Variants in GNAQ observed in about 807,000 individuals in gnomAD.
GNAQ encodes guanine nucleotide-binding protein G(q) subunit alpha.
Under a neutral mutation model 43.9 loss-of-function variants are expected in GNAQ, and 8 were observed. The observed-to-expected ratio is 0.18, with a 90% confidence interval of 0.11 to 0.33. GNAQ has a LOEUF of 0.33. Ranked by LOEUF, GNAQ falls within the 10% of genes least tolerant of loss-of-function variation. The pLI, the probability that GNAQ is intolerant of heterozygous loss-of-function variation, is 1.00. For synonymous variants in GNAQ, 155 were observed against 170.7 expected (o/e 0.91, Z 0.71); for missense variants, 158 against 450.8 (o/e 0.35, Z 5.88).
chr9:77,862,377 C>T (rs940363591), intron 2 of GNAQ, among the ~76,000 whole-genome samples: 10 of 152,298 alleles, frequency 6.6e-5, no homozygotes, highest in African/African-American at 1.9e-4. Flanking sequence ...TCCATACATC[C>T]TCTGAAATCT....
In GNAQ at chr9:77,739,019, A is replaced by G. The variant is rs146268203; in HGVS notation, c.736-10352T>C. 1.5e-3 allele frequency among the ~76,000 whole-genome samples: 231 copies of G among 152,310 alleles called. 2 individuals are homozygous for G. The highest frequency in any genetic ancestry group is 4.2e-3 in the African/African-American group (176 of 41,562). On this transcript the variant is annotated intron_variant, in intron 5 of 6. Coordinates refer to ENST00000286548, the MANE Select transcript of GNAQ (RefSeq NM_002072.5). Reference sequence around the variant, plus strand: ...GGAATTTTCATGGTTGAAATTTTCTATGTAACAGCCTATGAAAGCATATTG... The same window carrying G: ...GGAATTTTCATGGTTGAAATTTTCTGTGTAACAGCCTATGAAAGCATATTG...
chr9:78,003,407 T>C (rs1273333525), intron 1 of GNAQ, among the ~76,000 whole-genome samples: 1 of 152,208 alleles, frequency 6.6e-6, no homozygotes, highest in African/African-American at 2.4e-5. Flanking sequence ...TCTTCTCTCT[T>C]GTACCTGTTA....
intron 2 of GNAQ, among the ~76,000 whole-genome samples, chr9:77,854,208 GC>G (rs1827716829): frequency 1.3e-5 from 2 of 152,086 alleles, no homozygotes; most frequent in South Asian, 4.1e-4. Context: ...AGCATTTTTA[GC>G]CCAGAGATGA....
chr9:77,763,482 T>C (rs1378296885), intron 5 of GNAQ, among the ~76,000 whole-genome samples: 1 of 152,178 alleles, frequency 6.6e-6, no homozygotes, highest in Admixed American at 6.5e-5. Flanking sequence ...TAATACTGTA[T>C]GTGTGAAGCC....
chr9:77,767,072 GC>G lies in GNAQ; in HGVS notation c.735+27390del, dbSNP rs1228931761. ...GTCAGGGAACGTTTAGTGTGTACTG[GC>G]ACTTTAAAAGGGTCTGTCATAAACC... On this transcript the variant is annotated intron_variant, in intron 5 of 6. Transcript: ENST00000286548. Among the ~76,000 whole-genome samples the G allele has an allele frequency of 2.0e-5, 3 of 152,182 alleles. No individual in the cohort carries two copies. The East Asian group carries it at 5.8e-4, about 29-fold the overall frequency.
At chr9:77,909,746 ATCT>A (rs1828769423) in intron 2 of GNAQ, among the ~76,000 whole-genome samples, 1 of 152,156 alleles carries the variant, frequency 6.6e-6, no homozygotes, top group Admixed American at 6.6e-5. Context: ...ACTTAAAGGT[ATCT>A]TCTTAACAAA....
intron 1 of GNAQ, among the ~76,000 whole-genome samples, chr9:77,927,399 C>G (rs1442529186): frequency 6.6e-6 from 1 of 152,144 alleles, no homozygotes; most frequent in Non-Finnish European, 1.5e-5. Flanking sequence ...ATCAAAAGAG[C>G]TGCCAAGGCC....
intron 1 of GNAQ, among the ~76,000 whole-genome samples, chr9:77,954,728 G>A (rs1160539873): frequency 6.6e-6 from 1 of 152,188 alleles, no homozygotes; most frequent in Admixed American, 6.5e-5. Context: ...CTAAGGCACA[G>A]GGCTATTAAG....
rs1219350599 is a variant in GNAQ at position 77,717,423 on chromosome 9, C to G, written c.*3900G>C. 4.3e-6 allele frequency: 1 copy of G among 232,246 alleles called. No homozygotes were observed. The allele number at this position is 232,246 out of a possible 1,614,324, so 14.4% of individuals were successfully genotyped here. A position where few individuals can be genotyped will look rare whatever the true frequency, so the allele number is the denominator to read the frequency against. On this transcript the variant is annotated 3_prime_UTR_variant, in exon 7 of 7. Transcript: ENST00000286548. The stretch of plus-strand genomic sequence containing the variant: ...TGAGAAACTGAAAACAAAGGGAAAT[C>G]AAGGGTAATCGGTAGGTGATTTGAG...
intron 1 of GNAQ, among the ~76,000 whole-genome samples, chr9:77,946,939 A>G (rs1822911077): frequency 6.6e-6 from 1 of 152,252 alleles, no homozygotes; most frequent in South Asian, 2.1e-4. Context: ...CTGCCACAAA[A>G]TAAATTCTGT....
chr9:77,958,409 C>T (rs1347354992), intron 1 of GNAQ, among the ~76,000 whole-genome samples: 1 of 152,034 alleles, frequency 6.6e-6, no homozygotes, highest in Non-Finnish European at 1.5e-5. Context: ...CTACAGCTGC[C>T]AGCCATGAAA....
chr9:77,903,388 C>G (rs1587398394), intron 2 of GNAQ, among the ~76,000 whole-genome samples: 1 of 152,194 alleles, frequency 6.6e-6, no homozygotes, highest in African/African-American at 2.4e-5. Flanking sequence ...TTTCACCTCA[C>G]AAAGCCTCAG....
At chr9:77,800,093 TA>T (rs1174930283) in intron 3 of GNAQ, among the ~76,000 whole-genome samples, 1 of 152,124 alleles carries the variant, frequency 6.6e-6, no homozygotes, top group Non-Finnish European at 1.5e-5. Context: ...ACATCATAAA[TA>T]AAAAATAGGA....
chr9:77,954,425 T>C (rs1166928621), intron 1 of GNAQ, among the ~76,000 whole-genome samples: 1 of 152,226 alleles, frequency 6.6e-6, no homozygotes, highest in African/African-American at 2.4e-5. Context: ...AGAGAAGAAC[T>C]GAGAGCACTA....
chr9:77,810,537 A>C (rs150509698), intron 3 of GNAQ, among the ~76,000 whole-genome samples: 109 of 152,342 alleles, frequency 7.2e-4, no homozygotes, highest in Middle Eastern at 3.4e-3. Flanking sequence ...TATTCAGTAA[A>C]TAGCAGCTAT....
In GNAQ at chr9:77,718,931, C is replaced by T. The variant is rs1264110390; in HGVS notation, c.*2392G>A. 4.3e-6 allele frequency: 1 copy of T among 231,826 alleles called. No homozygotes were observed. Among genetic ancestry groups the T allele is most frequent in the Admixed American group, 5.6e-5 (1 of 17,704 alleles). 14.4% of individuals were successfully genotyped at this position (231,826 alleles called of 1,614,324 possible). ...ATGAATTGTATAAAAGCTCATATTC[C>T]AATCCTAGATCAAATGGCAAAAGTT... On this transcript the variant is annotated 3_prime_UTR_variant, in exon 7 of 7. Transcript: ENST00000286548.
chr9:77,973,629 C>T (rs970237064), intron 1 of GNAQ, among the ~76,000 whole-genome samples: 1 of 152,112 alleles, frequency 6.6e-6, no homozygotes, highest in African/African-American at 2.4e-5. Flanking sequence ...CCTGCCTGGC[C>T]AACATGATGA....
chr9:77,840,236 A>G (rs1458319805), intron 2 of GNAQ, among the ~76,000 whole-genome samples: 1 of 152,170 alleles, frequency 6.6e-6, no homozygotes, highest in Non-Finnish European at 1.5e-5. Flanking sequence ...TAAATAGAAC[A>G]TTACCTCCTT....
chr9:77,872,961 A>G lies in GNAQ; in HGVS notation c.321+49200T>C, dbSNP rs545984309. On this transcript the variant is annotated intron_variant, in intron 2 of 6. Transcript: ENST00000286548. Reference sequence around the variant, plus strand: ...GAAGGAAGATCTGGCTTGGAGGTAAATAAGAGGATATTCTAGGTCATGAGA... The same window carrying G: ...GAAGGAAGATCTGGCTTGGAGGTAAGTAAGAGGATATTCTAGGTCATGAGA... Among the ~76,000 whole-genome samples, 5 of 152,344 alleles carry G rather than the reference A, an allele frequency of 3.3e-5. No individual in the cohort carries two copies. The East Asian group carries it at 7.7e-4, about 23-fold the overall frequency.
Sources: gnomAD v4.1 joint callset for allele counts (sites outside exome capture counted in the v4.1 genomes callset) on GRCh38, gnomAD v4.1.1 for gene constraint, MANE v1.5 for transcripts, NCBI Gene and HGNC (gene_info 2026-07-23, HGNC 2026-07-21) for gene names.